ATP2B1: variants seen among roughly 807,000 people sequenced by gnomAD.
ATP2B1 encodes plasma membrane calcium-transporting ATPase 1.
In ATP2B1, 14 loss-of-function variants were observed where a neutral mutation model predicts 124.2. The ratio of observed to expected loss-of-function variants is 0.11; its 90% confidence interval spans 0.07 to 0.18. The LOEUF is 0.18. Ranked by LOEUF, ATP2B1 falls within the 10% of genes least tolerant of loss-of-function variation. The pLI is 1.00. For synonymous variants in ATP2B1, 449 were observed against 492.4 expected (o/e 0.91, Z 1.17); for missense variants, 763 against 1,466.1 (o/e 0.52, Z 7.83).
intron 1 of ATP2B1, among the ~76,000 whole-genome samples, chr12:89,684,337 G>A (rs895808054): frequency 4.6e-5 from 7 of 152,130 alleles, no homozygotes; most frequent in Non-Finnish European, 2.9e-5. Context: ...GGGGCAGAGG[G>A]CCAAGAATTA....
At chr12:89,666,658 T>A (rs896563607) in intron 1 of ATP2B1, among the ~76,000 whole-genome samples, 2 of 152,210 alleles carry the variant, frequency 1.3e-5, no homozygotes, top group African/African-American at 4.8e-5. Flanking sequence ...TGAATAGACA[T>A]ACCATCTGGC....
intron 5 of ATP2B1, among the ~76,000 whole-genome samples, chr12:89,634,488 A>G (rs1362779466): frequency 6.6e-6 from 1 of 152,186 alleles, no homozygotes; most frequent in Non-Finnish European, 1.5e-5. Flanking sequence ...AAGAGATATC[A>G]TTAGGCCTAT....
At chr12:89,630,949 T>A (rs1305649393) in intron 5 of ATP2B1, among the ~76,000 whole-genome samples, 2 of 151,606 alleles carry the variant, frequency 1.3e-5, no homozygotes, top group Non-Finnish European at 2.9e-5. Flanking sequence ...TTTAAAAAAA[T>A]TTTGTAGAGA....
At chr12:89,708,954 C>G (rs1357557605), upstream of ATP2B1, 1 of 151,600 alleles carries the variant, frequency 6.6e-6, no homozygotes, top group East Asian at 2.0e-4. Flanking sequence ...TCCTCGGCTC[C>G]GCAGAGCGGC....
intron 1 of ATP2B1, among the ~76,000 whole-genome samples, chr12:89,701,198 C>A (rs990098487): frequency 1.3e-5 from 2 of 152,268 alleles, no homozygotes; most frequent in African/African-American, 2.4e-5. Flanking sequence ...GTTCATGGAA[C>A]GGCAGCAATG....
chr12:89,647,960 T>C (rs1884726015), intron 2 of ATP2B1, among the ~76,000 whole-genome samples: 3 of 152,206 alleles, frequency 2.0e-5, no homozygotes, highest in Non-Finnish European at 4.4e-5. Flanking sequence ...AAAAGCACTC[T>C]GAGACATCCC....
intron 2 of ATP2B1, among the ~76,000 whole-genome samples, chr12:89,643,023 T>A (rs1423543230): frequency 6.6e-6 from 1 of 150,940 alleles, no homozygotes; most frequent in Non-Finnish European, 1.5e-5. Flanking sequence ...GACCTGAGGA[T>A]ATTGCCCCCA....
At chr12:89,637,311 T>C (rs1256836857) in intron 3 of ATP2B1, among the ~76,000 whole-genome samples, 5 of 152,222 alleles carry the variant, frequency 3.3e-5, no homozygotes, top group Admixed American at 2.6e-4. Context: ...TGTGTTTCTT[T>C]TAGCTGCGAG....
At chr12:89,596,662 G>A (rs1323825765) in intron 20 of ATP2B1, among the ~76,000 whole-genome samples, 1 of 152,080 alleles carries the variant, frequency 6.6e-6, no homozygotes. Context: ...ATAAAGTAGT[G>A]TCATAAAATA....
chr12:89,655,853 T>G lies in ATP2B1; in HGVS notation c.34A>C (p.Ser12Arg), dbSNP rs769289945. Residue 12 changes from serine to arginine, a missense_variant, in exon 2 of 21, where the codon AGT (serine) becomes CGT (arginine). Physicochemically the swap from Ser to Arg is moderately radical, Grantham distance 110. This residue lies in a region of ATP2B1 where 93 missense variants were observed against 112.7 expected (regional missense o/e 0.83). Transcript: ENST00000428670. ...GDMANNSVAY[S>R]GVKNSLKEAN... The stretch of plus-strand genomic sequence containing the variant: ...TCCTTCAAAGAGTTTTTCACACCAC[T>G]GTAAGCAACTGAGTTGTTTGCCATG... 1 of 1,609,770 alleles carries G rather than the reference T, an allele frequency of 6.2e-7. No homozygotes were observed. Among genetic ancestry groups the G allele is most frequent in the South Asian group, 1.1e-5 (1 of 90,880 alleles).
intron 2 of ATP2B1, among the ~76,000 whole-genome samples, chr12:89,645,999 A>G (rs1188843721): frequency 6.6e-6 from 1 of 152,180 alleles, no homozygotes; most frequent in East Asian, 1.9e-4. Flanking sequence ...GCAGAAGGGG[A>G]TAAGTGGATT....
chr12:89,624,134 A>G (rs776671118), intron 9 of ATP2B1, 49 bp downstream of exon 9: 1 of 1,539,118 alleles, frequency 6.5e-7, no homozygotes, highest in South Asian at 1.2e-5. Flanking sequence ...TTTCTATACC[A>G]GCTAAGGCTT....
chr12:89,603,702 G>T lies in ATP2B1; in HGVS notation c.2848+10C>A. The T allele has an allele frequency of 6.2e-7, 1 of 1,606,234 alleles. No individual in the cohort carries two copies. The highest frequency in any genetic ancestry group is 8.5e-7 in the Non-Finnish European group (1 of 1,172,968). On this transcript the variant is annotated intron_variant, in intron 17 of 20. Coordinates refer to ENST00000428670, the MANE Select transcript of ATP2B1 (RefSeq NM_001366521.1). The surrounding 1 kb of genome is among the most constrained non-coding windows in gnomAD (Gnocchi z 4.3). ...ATTAACTGAAGCTTTATTAGACACT[G>T]AATTCTTACCAGCAAATAAGAGTGT...
chr12:89,677,965 TATATATACACACACACACAC>T lies in ATP2B1; in HGVS notation c.-221-21878_-221-21859del, dbSNP rs1277282682. 4.1e-4 allele frequency among the ~76,000 whole-genome samples: 46 copies of T among 112,068 alleles called. 1 individual carries two copies. Among genetic ancestry groups the T allele is most frequent in the Middle Eastern group, 4.1e-3 (1 of 242 alleles). 73.5% of individuals were successfully genotyped at this position (112,068 alleles called of 152,430 possible). A position where few individuals can be genotyped will look rare whatever the true frequency, so the allele number is the denominator to read the frequency against. ...GGGGCATGCAGGAATTATATATATA[TATATATACACACACACACAC>T]ACACACACACACACACACACACACA... On this transcript the variant is annotated intron_variant, in intron 1 of 20. Coordinates refer to ENST00000428670, the MANE Select transcript of ATP2B1 (RefSeq NM_001366521.1).
At chr12:89,682,957 C>T (rs894127972) in intron 1 of ATP2B1, among the ~76,000 whole-genome samples, 2 of 151,924 alleles carry the variant, frequency 1.3e-5, no homozygotes, top group Non-Finnish European at 2.9e-5. Context: ...TTCCCTAATA[C>T]ATAAAATAAA....
chr12:89,662,126 GATCT>G (rs1485653049), intron 1 of ATP2B1, among the ~76,000 whole-genome samples: 3 of 150,272 alleles, frequency 2.0e-5, no homozygotes, highest in African/African-American at 4.9e-5. Flanking sequence ...GAGAGACTAT[GATCT>G]TTCTTTCTTT....
chr12:89,624,729 A>G (rs1014790951), intron 8 of ATP2B1, among the ~76,000 whole-genome samples: 3 of 152,204 alleles, frequency 2.0e-5, no homozygotes, highest in Non-Finnish European at 4.4e-5. Context: ...CTGGTGCTTT[A>G]TATGTTCAAG....
At chr12:89,631,173 T>G (rs1052748515) in intron 5 of ATP2B1, among the ~76,000 whole-genome samples, 1 of 152,198 alleles carries the variant, frequency 6.6e-6, no homozygotes, top group African/African-American at 2.4e-5. Context: ...AATCTACTAC[T>G]CACTTACCAT....
chr12:89,653,248 G>A (rs1311368440), intron 2 of ATP2B1, among the ~76,000 whole-genome samples: 1 of 149,154 alleles, frequency 6.7e-6, no homozygotes, highest in Non-Finnish European at 1.5e-5. Context: ...TTATCTAATA[G>A]CCCAAAGCAG....
Sources: allele counts gnomAD v4.1 joint callset (sites outside exome capture counted in the v4.1 genomes callset), GRCh38; gene constraint gnomAD v4.1.1; regional missense constraint gnomAD v4.1.1; non-coding constraint Gnocchi (gnomAD v3.1); transcripts MANE v1.5; gene names NCBI Gene and HGNC (gene_info 2026-07-23, HGNC 2026-07-21).